PHF24: variants seen among roughly 807,000 people sequenced by gnomAD.
The protein encoded by PHF24 is Galpha inhibitory interacting protein.
A neutral mutation model predicts 42.6 loss-of-function variants in PHF24; 25 were observed. That is an observed-to-expected ratio of 0.59 (90% CI 0.43 to 0.82). The LOEUF (loss-of-function observed/expected upper bound fraction) is 0.82. Ranked by LOEUF, PHF24 falls within the 40% of genes least tolerant of loss-of-function variation. The probability of loss-of-function intolerance (pLI) is 0.00; values close to 1 mark genes in which losing one functional copy is unlikely to be tolerated. For synonymous variants in PHF24, 185 were observed against 204.8 expected (o/e 0.90, Z 0.83); for missense variants, 470 against 538.1 (o/e 0.87, Z 1.25).
At chr9:34,770,809 G>A in the PHF24 span, among the ~76,000 whole-genome samples, 313 of 150,238 alleles carry the variant, frequency 2.1e-3, 1 homozygote, top group African/African-American at 6.8e-3. Context: ...AACTCTTGGA[G>A]AAAGATTTTT....
chr9:34,907,457 C>G, the PHF24 span, among the ~76,000 whole-genome samples: 2 of 152,102 alleles, frequency 1.3e-5, no homozygotes, highest in East Asian at 3.9e-4. Context: ...TGCTTTTTGT[C>G]GGTTGATTTT....
At position 34,976,754 on chromosome 9, in the gene PHF24, G is replaced by A. The variant is rs761312818; in HGVS notation, c.849+14G>A. ...TTGCGTCCCCAGGTGAGGGCCAGTT[G>A]GGGCAAATGTTCCTGGGATACTGGG... On this transcript the variant is annotated intron_variant, in intron 5 of 7. Transcript: ENST00000242315. 25 of 1,607,020 alleles carry A rather than the reference G, an allele frequency of 1.6e-5. 1 individual carries two copies. The South Asian group carries it at 2.4e-4, about 16-fold the overall frequency.
chr9:34,949,137 C>A, the PHF24 span, among the ~76,000 whole-genome samples: 10 of 152,170 alleles, frequency 6.6e-5, no homozygotes, highest in Non-Finnish European at 1.5e-4. Flanking sequence ...AGTAAGGATA[C>A]AGAAGACCTG....
the PHF24 span, among the ~76,000 whole-genome samples, chr9:34,882,232 T>C: frequency 6.6e-6 from 1 of 152,150 alleles, no homozygotes; most frequent in African/African-American, 2.4e-5. Context: ...AAGAGCTATT[T>C]ATGACAAACC....
At chr9:34,742,739 C>CT in the PHF24 span, among the ~76,000 whole-genome samples, 1 of 151,664 alleles carries the variant, frequency 6.6e-6, no homozygotes, top group Admixed American at 6.6e-5. Flanking sequence ...TTCTTTTTTT[C>CT]TTTTTTTTAA....
the PHF24 span, among the ~76,000 whole-genome samples, chr9:34,937,070 G>A: frequency 1.6e-5 from 2 of 121,618 alleles, no homozygotes; most frequent in Non-Finnish European, 3.7e-5. Context: ...TCCGGGAGGT[G>A]AGGGGCGCCT....
the PHF24 span, among the ~76,000 whole-genome samples, chr9:34,850,707 G>C: frequency 6.6e-6 from 1 of 152,250 alleles, no homozygotes; most frequent in South Asian, 2.1e-4. Context: ...TTTCTGCTCC[G>C]ATTTTTCCCC....
chr9:34,719,366 T>A, the PHF24 span, among the ~76,000 whole-genome samples: 1 of 152,180 alleles, frequency 6.6e-6, no homozygotes, highest in African/African-American at 2.4e-5. Context: ...GAGTTTGTAC[T>A]CTACATGTGA....
the PHF24 span, among the ~76,000 whole-genome samples, chr9:34,786,546 G>T: frequency 1.3e-5 from 2 of 152,094 alleles, no homozygotes; most frequent in African/African-American, 4.8e-5. Context: ...TACTAAATTG[G>T]TCTATAACAT....
chr9:34,910,712 G>GATT, the PHF24 span, among the ~76,000 whole-genome samples: 1 of 152,226 alleles, frequency 6.6e-6, no homozygotes, highest in Non-Finnish European at 1.5e-5. Context: ...AAAAGAAATA[G>GATT]ATTTAAAGAC....
chr9:34,881,456 A>G, the PHF24 span, among the ~76,000 whole-genome samples: 3 of 152,228 alleles, frequency 2.0e-5, no homozygotes, highest in African/African-American at 7.2e-5. Context: ...AAATTGATAT[A>G]CTGCTAGCAA....
the PHF24 span, among the ~76,000 whole-genome samples, chr9:34,854,496 A>G: frequency 6.6e-6 from 1 of 152,130 alleles, no homozygotes; most frequent in Non-Finnish European, 1.5e-5. Flanking sequence ...ATTAGTTTCA[A>G]AAATAACTTC....
At chr9:34,772,086 C>G in the PHF24 span, among the ~76,000 whole-genome samples, 2 of 152,128 alleles carry the variant, frequency 1.3e-5, no homozygotes, top group African/African-American at 4.8e-5. Flanking sequence ...GGTTTCAGCT[C>G]AGGTTTCAGC....
the PHF24 span, among the ~76,000 whole-genome samples, chr9:34,744,445 C>T: frequency 6.7e-4 from 102 of 152,294 alleles, 1 homozygote; most frequent in East Asian, 3.9e-4. Flanking sequence ...AGGTTGCAAC[C>T]TGGCTCAGTG....
the PHF24 span, among the ~76,000 whole-genome samples, chr9:34,846,094 T>C: frequency 1.3e-5 from 2 of 152,142 alleles, no homozygotes; most frequent in Non-Finnish European, 2.9e-5. Context: ...GCATGATTTA[T>C]AGTCATTTGG....
chr9:34,694,143 C>A, the PHF24 span, among the ~76,000 whole-genome samples: 1 of 144,784 alleles, frequency 6.9e-6, no homozygotes, highest in Admixed American at 7.0e-5. Context: ...CTCCCTTCCA[C>A]GGGTCTATCT....
At chr9:34,788,967 G>A in the PHF24 span, among the ~76,000 whole-genome samples, 2 of 152,188 alleles carry the variant, frequency 1.3e-5, no homozygotes, top group African/African-American at 2.4e-5. Flanking sequence ...ATACACTGGT[G>A]CATTAAGTAT....
At chr9:34,734,197 T>A in the PHF24 span, among the ~76,000 whole-genome samples, 60,360 of 152,062 alleles carry the variant, frequency 0.4, 14,028 homozygotes, top group East Asian at 0.63. Context: ...GTAGCACAGG[T>A]GCACTTGCTT....
At chr9:34,706,369 CAG>C in the PHF24 span, among the ~76,000 whole-genome samples, 2 of 152,032 alleles carry the variant, frequency 1.3e-5, no homozygotes, top group Non-Finnish European at 2.9e-5. Flanking sequence ...AATCAAGAAA[CAG>C]AGGTATAGGC....
Sources: allele counts gnomAD v4.1 joint callset (sites outside exome capture counted in the v4.1 genomes callset), GRCh38; gene constraint gnomAD v4.1.1; transcripts MANE v1.5; gene names NCBI Gene and HGNC (gene_info 2026-07-23, HGNC 2026-07-21).